MCC: variants seen among roughly 807,000 people sequenced by gnomAD.
MCC encodes the protein MCC regulator of Wnt signaling pathway.
In MCC, 90 loss-of-function variants were observed where a neutral mutation model predicts 116.2. The ratio of observed to expected loss-of-function variants is 0.77; its 90% confidence interval spans 0.65 to 0.92. The LOEUF (loss-of-function observed/expected upper bound fraction) is 0.92. Among genes scored for constraint, MCC ranks in the 40% least tolerant of loss-of-function variants. The pLI is 0.00. For synonymous variants in MCC, 578 were observed against 510.5 expected (o/e 1.13, Z -1.78); for missense variants, 1,516 against 1,312.2 (o/e 1.16, Z -2.40).
intron 1 of MCC, among the ~76,000 whole-genome samples, chr5:113,454,097 G>A (rs1771475870): frequency 1.3e-5 from 2 of 151,968 alleles, no homozygotes; most frequent in African/African-American, 2.4e-5. Flanking sequence ...GGCAACAAGA[G>A]CGAAACTCTG....
At chr5:113,216,144 C>T (rs1763306954) in intron 3 of MCC, among the ~76,000 whole-genome samples, 1 of 152,092 alleles carries the variant, frequency 6.6e-6, no homozygotes, top group Non-Finnish European at 1.5e-5. Context: ...GCTTTTGCTG[C>T]AAAAATGGCA....
intron 3 of MCC, chr5:113,269,210 G>C (rs77068527): frequency 2.9e-5 from 29 of 985,208 alleles, no homozygotes; most frequent in Non-Finnish European, 3.5e-5. Context: ...CCTCCCTGGC[G>C]TCAGGGCCCC....
At chr5:113,384,512 C>T (rs1341418676) in intron 2 of MCC, among the ~76,000 whole-genome samples, 3 of 152,112 alleles carry the variant, frequency 2.0e-5, no homozygotes, top group South Asian at 4.1e-4. Context: ...GGCGGGAACC[C>T]GGGAGGCAGA....
At chr5:113,227,490 C>T (rs1037443559) in intron 3 of MCC, among the ~76,000 whole-genome samples, 2 of 152,150 alleles carry the variant, frequency 1.3e-5, no homozygotes, top group East Asian at 1.9e-4. Context: ...AGCTAGAGAA[C>T]ATGGTTCTCA....
chr5:113,078,688 C>T (rs374267122), intron 11 of MCC, among the ~76,000 whole-genome samples: 64 of 152,168 alleles, frequency 4.2e-4, no homozygotes, highest in African/African-American at 1.5e-3. Flanking sequence ...TATGACAAAC[C>T]CACAGCCAAT....
At chr5:113,314,657 G>A (rs960791162) in intron 3 of MCC, among the ~76,000 whole-genome samples, 2 of 152,018 alleles carry the variant, frequency 1.3e-5, no homozygotes, top group Non-Finnish European at 2.9e-5. Context: ...GCGTGATCTC[G>A]GCCTACTGCA....
In MCC at chr5:113,064,093, C is replaced by T. The variant is rs971680097; in HGVS notation, c.2104G>A (p.Ala702Thr). ...AGCTTCATGAGCAGGGCCTTGGCAG[C>T]GTTCTCAGCTGTCTTCCGGCAGTCA... Reference protein sequence around the residue: ...AHDCRKTAENAAKALLMKLDG... With the variant: ...AHDCRKTAENTAKALLMKLDG... Residue 702 changes from alanine to threonine, a missense_variant, in exon 14 of 19, where the codon GCT becomes ACT. Transcript: ENST00000408903. 4.3e-6 allele frequency: 7 copies of T among 1,614,084 alleles called. No individual in the cohort carries two copies. The highest frequency in any genetic ancestry group is 3.3e-5 in the Admixed American group (2 of 60,006).
intron 1 of MCC, chr5:113,448,343 T>A (rs1771281363): frequency 6.6e-6 from 1 of 152,206 alleles, no homozygotes; most frequent in African/African-American, 2.4e-5. Context: ...CATACATAAA[T>A]TCTGAAAATA....
chr5:113,311,494 T>C (rs1318119895), intron 3 of MCC, among the ~76,000 whole-genome samples: 1 of 152,206 alleles, frequency 6.6e-6, no homozygotes, highest in African/African-American at 2.4e-5. Flanking sequence ...AGCCAGCTTA[T>C]CCTCAGATAT....
At chr5:113,408,095 C>A (rs991631377) in intron 1 of MCC, among the ~76,000 whole-genome samples, 1 of 152,118 alleles carries the variant, frequency 6.6e-6, no homozygotes, top group Non-Finnish European at 1.5e-5. Flanking sequence ...CAAACAACCT[C>A]AAATCATCTG....
chr5:113,294,377 G>A (rs113991478), intron 3 of MCC: 34,277 of 1,571,682 alleles, frequency 0.022, 382 homozygotes, highest in Non-Finnish European at 0.024. Context: ...TGGCAACTCC[G>A]GAATTCATGA....
intron 3 of MCC, among the ~76,000 whole-genome samples, chr5:113,223,636 T>C (rs906998645): frequency 4.0e-5 from 6 of 151,846 alleles, no homozygotes; most frequent in Non-Finnish European, 7.4e-5. Context: ...GATTAAATGG[T>C]AATTCGATAA....
chr5:113,209,549 G>T (rs1225711030), intron 3 of MCC, among the ~76,000 whole-genome samples: 2 of 152,144 alleles, frequency 1.3e-5, no homozygotes, highest in Non-Finnish European at 2.9e-5. Flanking sequence ...TTTTATGGCT[G>T]CAATAATTTT....
intron 3 of MCC, among the ~76,000 whole-genome samples, chr5:113,309,830 C>T (rs1767093323): frequency 6.6e-6 from 1 of 151,772 alleles, no homozygotes; most frequent in African/African-American, 2.4e-5. Context: ...TTTCCTTTCA[C>T]CTTCTTTCTT....
At chr5:113,381,172 GTGGGCAGATTC>G (rs776429643) in intron 2 of MCC, among the ~76,000 whole-genome samples, 1 of 152,212 alleles carries the variant, frequency 6.6e-6, no homozygotes, top group Non-Finnish European at 1.5e-5. Flanking sequence ...AGCAAAGGAA[GTGGGCAGATTC>G]TGGCTATACT....
At position 113,395,537 on chromosome 5, in the gene MCC, G is replaced by A. The variant is rs1310960845; in HGVS notation, c.171-10325C>T. ...AATTTACTGAGCACCAGGCGTATAT[G>A]TAATTGACTATTCCCCTACCTGCTC... is the stretch of plus-strand genomic sequence containing the variant. On this transcript the variant is annotated intron_variant, in intron 1 of 18. Coordinates refer to ENST00000408903, the MANE Select transcript of MCC (RefSeq NM_001085377.2). 3.3e-5 allele frequency among the ~76,000 whole-genome samples: 5 copies of A among 152,162 alleles called. No homozygotes were observed. The South Asian group carries it at 6.2e-4, about 19-fold the overall frequency.
intron 8 of MCC, among the ~76,000 whole-genome samples, chr5:113,094,001 T>G (rs1371617451): frequency 6.6e-6 from 1 of 152,170 alleles, no homozygotes; most frequent in East Asian, 1.9e-4. Context: ...GCTGGGAAAG[T>G]TCTACTTAAT....
intron 11 of MCC, among the ~76,000 whole-genome samples, chr5:113,080,447 C>G (rs1177631464): frequency 1.3e-5 from 2 of 152,180 alleles, no homozygotes; most frequent in Non-Finnish European, 2.9e-5. Context: ...ATGTGGCACA[C>G]ATACACCATG....
chr5:113,070,147 G>A (rs1753937799), intron 12 of MCC, among the ~76,000 whole-genome samples: 2 of 152,202 alleles, frequency 1.3e-5, no homozygotes, highest in Admixed American at 1.3e-4. Flanking sequence ...CAGAATGATT[G>A]CTCTCTAGCT....
Sources: gnomAD v4.1 joint callset for allele counts (sites outside exome capture counted in the v4.1 genomes callset) on GRCh38, gnomAD v4.1.1 for gene constraint, MANE v1.5 for transcripts, NCBI Gene and HGNC (gene_info 2026-07-23, HGNC 2026-07-21) for gene names.